Variants in TTLL11 observed in about 807,000 individuals in gnomAD.
TTLL11 encodes the protein tubulin tyrosine ligase like 11, also known as tubulin polyglutamylase TTLL11.
A neutral mutation model predicts 51.7 loss-of-function variants in TTLL11; 42 were observed. The observed-to-expected ratio is 0.81, with a 90% CI of 0.64 to 1.05. The LOEUF (loss-of-function observed/expected upper bound fraction) is 1.05. Among genes scored for constraint, TTLL11 ranks in the 50% least tolerant of loss-of-function variants. TTLL11 has a pLI of 0.00. For missense variants in TTLL11, 799 were observed against 940.4 expected (o/e 0.85, Z 1.97); for synonymous variants, 381 against 383.5 (o/e 0.99, Z 0.08).
intron 3 of TTLL11, among the ~76,000 whole-genome samples, chr9:122,029,109 G>A (rs1234585774): frequency 2.6e-5 from 4 of 152,144 alleles, no homozygotes; most frequent in African/African-American, 9.7e-5. Context: ...TGGTGTTGCA[G>A]GTGTCAACAA....
At position 121,873,831 on chromosome 9, in the gene TTLL11, C is replaced by CTTTTTT. The variant is rs71508142; in HGVS notation, c.1482-3089_1482-3084dup. Among the ~76,000 whole-genome samples, 62 of 77,396 alleles carry CTTTTTT rather than the reference C, an allele frequency of 8.0e-4. 2 individuals are homozygous for CTTTTTT. Among genetic ancestry groups the CTTTTTT allele is most frequent in the African/African-American group, 1.1e-3 (19 of 16,978 alleles). 50.8% of individuals were successfully genotyped at this position (77,396 alleles called of 152,430 possible). On this transcript the variant is annotated intron_variant, in intron 6 of 8. Transcript: ENST00000321582. The stretch of plus-strand genomic sequence containing the variant: ...CAGGTGTGCACCACCATTAGCCTGA[C>CTTTTTT]TTTTTTTTTTTTTTTTTTTTTTTGA...
intron 8 of TTLL11, among the ~76,000 whole-genome samples, chr9:121,826,498 T>C (rs1836785495): frequency 2.1e-5 from 1 of 48,018 alleles, no homozygotes; most frequent in Non-Finnish European, 4.0e-5. Context: ...TATATATGTG[T>C]GTGTATATAT....
chr9:121,915,363 TG>T (rs2131510007), intron 6 of TTLL11, among the ~76,000 whole-genome samples: 1 of 152,360 alleles, frequency 6.6e-6, no homozygotes, highest in South Asian at 2.1e-4. Flanking sequence ...ATACTAGTGC[TG>T]TGCTTGTATA....
At chr9:122,081,383 T>C (rs1322476141) in intron 1 of TTLL11, among the ~76,000 whole-genome samples, 1 of 152,236 alleles carries the variant, frequency 6.6e-6, no homozygotes, top group Admixed American at 6.5e-5. Flanking sequence ...GTTACCTATA[T>C]GATTAACATG....
chr9:122,017,448 A>G lies in TTLL11; in HGVS notation c.693+14275T>C, dbSNP rs144791314. Among the ~76,000 whole-genome samples, 6 of 150,352 alleles carry G rather than the reference A, an allele frequency of 4.0e-5. No individual in the cohort carries two copies. In the East Asian group the frequency reaches 9.7e-4, roughly 24 times the overall value. Reference sequence around the variant, plus strand: ...AACCAAAAAATATGAGAATATCTCAATGTTCATCAACAACAGGGTGAGGCT... The same window carrying G: ...AACCAAAAAATATGAGAATATCTCAGTGTTCATCAACAACAGGGTGAGGCT... On this transcript the variant is annotated intron_variant, in intron 3 of 8. Transcript: ENST00000321582.
At chr9:121,895,943 T>G (rs1311386615) in intron 6 of TTLL11, among the ~76,000 whole-genome samples, 1 of 25,328 alleles carries the variant, frequency 3.9e-5, no homozygotes, top group Non-Finnish European at 9.4e-5. Context: ...TGGGTGTGTT[T>G]GTGTGGGTGT....
chr9:122,071,846 C>T (rs941375885), intron 1 of TTLL11, among the ~76,000 whole-genome samples: 1 of 152,188 alleles, frequency 6.6e-6, no homozygotes. Flanking sequence ...GCTGTCTCTG[C>T]AGATTGACTC....
rs572427488 is a variant in TTLL11 at position 121,943,356 on chromosome 9, AG to A, written c.1481+30652del. Among the ~76,000 whole-genome samples, 202 of 152,314 alleles carry A rather than the reference AG, an allele frequency of 1.3e-3. 1 individual carries two copies. The highest frequency in any genetic ancestry group is 5.2e-3 in the South Asian group (25 of 4,814). ...GGCGTACGGACCGTAACAGACACTA[AG>A]ATAAAGGTTTGTTGCATCAATAACT... On this transcript the variant is annotated intron_variant, in intron 6 of 8. Coordinates refer to ENST00000321582, the MANE Select transcript of TTLL11 (RefSeq NM_001139442.2).
At chr9:121,892,263 T>C (rs189257966) in intron 6 of TTLL11, among the ~76,000 whole-genome samples, 6 of 151,344 alleles carry the variant, frequency 4.0e-5, no homozygotes, top group East Asian at 1.9e-4. Context: ...ATTTTAGACA[T>C]TGGAAACTCT....
intron 1 of TTLL11, among the ~76,000 whole-genome samples, chr9:122,044,428 T>C (rs996603085): frequency 1.3e-5 from 2 of 152,172 alleles, no homozygotes; most frequent in African/African-American, 4.8e-5. Context: ...CCTGAGGAAT[T>C]GCCACACCGA....
chr9:121,984,762 G>A (rs1385379706), intron 4 of TTLL11, among the ~76,000 whole-genome samples: 1 of 152,242 alleles, frequency 6.6e-6, no homozygotes, highest in Non-Finnish European at 1.5e-5. Context: ...CAGGGAGCTA[G>A]AAGAAGATAC....
intron 1 of TTLL11, among the ~76,000 whole-genome samples, chr9:122,054,999 C>G (rs747613389): frequency 1.3e-5 from 2 of 152,110 alleles, no homozygotes; most frequent in African/African-American, 2.4e-5. Context: ...AAAGTCCCAC[C>G]AGAGCGTTGG....
chr9:121,990,079 A>G (rs1200262999), intron 3 of TTLL11, among the ~76,000 whole-genome samples: 2 of 152,224 alleles, frequency 1.3e-5, no homozygotes, highest in African/African-American at 2.4e-5. Flanking sequence ...ATAACTAATA[A>G]TAGTGCTGAG....
At chr9:121,970,900 G>C (rs1484816678) in intron 6 of TTLL11, among the ~76,000 whole-genome samples, 1 of 152,214 alleles carries the variant, frequency 6.6e-6, no homozygotes, top group African/African-American at 2.4e-5. Context: ...ACATGCACAC[G>C]TATGTTTATT....
intron 7 of TTLL11, among the ~76,000 whole-genome samples, chr9:121,866,711 T>C (rs1043437828): frequency 2.0e-5 from 3 of 151,524 alleles, no homozygotes; most frequent in Non-Finnish European, 4.4e-5. Context: ...CTGTTAATCG[T>C]TGTGCAATGC....
intron 6 of TTLL11, among the ~76,000 whole-genome samples, chr9:121,957,033 C>T (rs1284797841): frequency 6.6e-6 from 1 of 152,152 alleles, no homozygotes; most frequent in Non-Finnish European, 1.5e-5. Context: ...AATCTGATGC[C>T]CCGCTGTGCC....
At chr9:121,904,085 C>T (rs1218117627) in intron 6 of TTLL11, among the ~76,000 whole-genome samples, 1 of 152,074 alleles carries the variant, frequency 6.6e-6, no homozygotes, top group East Asian at 1.9e-4. Flanking sequence ...CTTGGGGGAA[C>T]AGCATTTGGA....
intron 6 of TTLL11, among the ~76,000 whole-genome samples, chr9:121,919,929 C>A (rs1342455591): frequency 6.6e-6 from 1 of 150,760 alleles, no homozygotes; most frequent in East Asian, 1.9e-4. Flanking sequence ...ATAGCTAACA[C>A]TTTAATACTG....
intron 8 of TTLL11, among the ~76,000 whole-genome samples, chr9:121,826,217 T>TATATATAC (rs1491163835): frequency 0.082 from 4,727 of 57,906 alleles, 688 homozygotes; most frequent in Middle Eastern, 0.2. Flanking sequence ...TATATATATA[T>TATATATAC]GCACACATAT....
Sources: allele counts gnomAD v4.1 joint callset (sites outside exome capture counted in the v4.1 genomes callset), GRCh38; gene constraint gnomAD v4.1.1; transcripts MANE v1.5; gene names NCBI Gene and HGNC (gene_info 2026-07-23, HGNC 2026-07-21).